The following NEMP1 variants were observed in gnomAD, a reference collection of about 807,000 sequenced individuals.
The protein encoded by NEMP1 is nuclear envelope integral membrane protein 1, also known as transmembrane protein 194.
Under a neutral mutation model 53.7 loss-of-function variants are expected in NEMP1, and 29 were observed. The ratio of observed to expected loss-of-function variants is 0.54; its 90% CI spans 0.40 to 0.74. The LOEUF (loss-of-function observed/expected upper bound fraction) is 0.74, where lower values mean the gene tolerates loss of function less well. Ranked by LOEUF, NEMP1 falls within the 30% of genes least tolerant of loss-of-function variation. The probability of loss-of-function intolerance (pLI) is 0.00; values close to 1 mark genes in which losing one functional copy is unlikely to be tolerated. For missense variants in NEMP1, 477 were observed against 528.6 expected, an observed-to-expected ratio of 0.90 and a Z score of 0.96; for synonymous variants, 193 against 192.9, an observed-to-expected ratio of 1.00 and a Z score of 0.00.
chr12:57,070,902 C>CA lies in NEMP1; in HGVS notation c.253-10dup, dbSNP rs3217612. 0.082 allele frequency: 129,073 copies of CA among 1,580,512 alleles called. 5,767 individuals carry two copies. The highest frequency in any genetic ancestry group is 0.13 in the Middle Eastern group (786 of 5,892). Reference sequence around the variant, plus strand: ...GAACTATTTACTCGGATCTGTAACACAAATAAAATCAGGATGAGAAAAAAG... The same window carrying CA: ...GAACTATTTACTCGGATCTGTAACACAAAATAAAATCAGGATGAGAAAAAAG... On this transcript the variant is annotated splice_polypyrimidine_tract_variant and intron_variant, in intron 2 of 8. Transcript: ENST00000300128.
intron 1 of NEMP1, among the ~76,000 whole-genome samples, chr12:57,083,954 C>CTGTTTTGTTT (rs71446598): frequency 9.0e-5 from 13 of 144,456 alleles, no homozygotes; most frequent in East Asian, 6.1e-4. Context: ...TTGTTTTCTT[C>CTGTTTTGTTT]TGTTTTGTTT....
At chr12:57,065,748 G>C (rs547173953) in intron 4 of NEMP1, among the ~76,000 whole-genome samples, 1 of 151,592 alleles carries the variant, frequency 6.6e-6, no homozygotes, top group Non-Finnish European at 1.5e-5. Flanking sequence ...TGATCTGCCC[G>C]CCTCAGCCTC....
upstream of NEMP1, among the ~76,000 whole-genome samples, chr12:57,080,162 T>G (rs895710884): frequency 1.3e-5 from 2 of 152,202 alleles, no homozygotes; most frequent in Non-Finnish European, 2.9e-5. Context: ...GACAATATCT[T>G]GCTATGTTGC....
At chr12:57,080,095 G>A (rs2032799281), upstream of NEMP1, among the ~76,000 whole-genome samples, 1 of 152,146 alleles carries the variant, frequency 6.6e-6, no homozygotes, top group African/African-American at 2.4e-5. Flanking sequence ...AAGTAGCTGG[G>A]ACTACAGGCA....
intron 5 of NEMP1, 69 bp from the exon 6 acceptor site, chr12:57,064,254 G>A: frequency 7.4e-6 from 7 of 944,612 alleles, no homozygotes; most frequent in East Asian, 2.7e-5. Context: ...GAAGCAAAAT[G>A]GAACTATGAT....
upstream of NEMP1, among the ~76,000 whole-genome samples, chr12:57,082,199 A>G (rs2032868423): frequency 6.6e-6 from 1 of 152,200 alleles, no homozygotes; most frequent in Non-Finnish European, 1.5e-5. Context: ...CAGCCCGGTG[A>G]CAGAGTAAGA....
At chr12:57,078,583 C>T in intron 1 of NEMP1, 36 bp downstream of exon 1, 2 of 1,592,188 alleles carry the variant, frequency 1.3e-6, no homozygotes, top group Non-Finnish European at 8.6e-7. Context: ...ACCCCCTCGG[C>T]ACCTGCCCCC....
intron 6 of NEMP1, 141 bp from the exon 7 acceptor site, chr12:57,063,485 T>C (rs2031922862): frequency 2.9e-6 from 2 of 687,466 alleles, no homozygotes; most frequent in Admixed American, 6.0e-5. Context: ...CACACTTTTT[T>C]CTTAGAATAT....
chr12:57,062,546 G>A (rs895413231), intron 7 of NEMP1, among the ~76,000 whole-genome samples: 9 of 151,672 alleles, frequency 5.9e-5, no homozygotes, highest in Admixed American at 4.6e-4. Context: ...AATTTGTGGC[G>A]GGGCGCAGTG....
rs1387771204 is a variant in NEMP1 at position 57,059,066 on chromosome 12, GGAAGA to G, written c.*808_*812del. Reference sequence around the variant, plus strand: ...GGCAAAGGCAGGGTAAGGAAGAATGGGAAGAGAAGAATACAAATGTTTTTTAAGAT... The same window carrying G: ...GGCAAAGGCAGGGTAAGGAAGAATGGGAAGAATACAAATGTTTTTTAAGAT... On this transcript the variant is annotated 3_prime_UTR_variant, in exon 9 of 9. Transcript: ENST00000300128. 3 of 152,162 alleles carry G rather than the reference GGAAGA, an allele frequency of 2.0e-5. No homozygotes were observed. The highest frequency in any genetic ancestry group is 4.4e-5 in the Non-Finnish European group (3 of 68,040). 9.4% of individuals were successfully genotyped at this position (152,162 alleles called of 1,614,324 possible). A position where few individuals can be genotyped will look rare whatever the true frequency, so the allele number is the denominator to read the frequency against.
In NEMP1 at chr12:57,056,117, C is replaced by G. The variant is rs923243244; in HGVS notation, c.*3762G>C. On this transcript the variant is annotated 3_prime_UTR_variant, in exon 9 of 9. Transcript: ENST00000300128. ...ATCCAAAGCCCCACATTTTGGGAGT[C>G]TGTGACCACTCCCATCTGCCACTAA... 7.9e-5 allele frequency: 12 copies of G among 152,204 alleles called. No individual in the cohort carries two copies. Among genetic ancestry groups the G allele is most frequent in the African/African-American group, 2.4e-4 (10 of 41,460 alleles). The allele number at this position is 152,204 out of a possible 1,614,324, so 9.4% of individuals were successfully genotyped here.
intron 1 of NEMP1, among the ~76,000 whole-genome samples, chr12:57,074,624 A>G (rs2136512557): frequency 6.6e-6 from 1 of 152,328 alleles, no homozygotes; most frequent in Non-Finnish European, 1.5e-5. Context: ...TTTAATATAT[A>G]GTACTTTTGG....
At chr12:57,084,310 G>A (rs1440377943) in intron 1 of NEMP1, among the ~76,000 whole-genome samples, 1 of 152,076 alleles carries the variant, frequency 6.6e-6, no homozygotes, top group Non-Finnish European at 1.5e-5. Context: ...TGTGGATAAA[G>A]GATTTGCAGG....
upstream of NEMP1, among the ~76,000 whole-genome samples, chr12:57,082,937 C>A (rs774342171): frequency 6.6e-6 from 1 of 152,086 alleles, no homozygotes; most frequent in Non-Finnish European, 1.5e-5. Context: ...GGGAGAATCA[C>A]CTGAGCCTGG....
intron 4 of NEMP1, among the ~76,000 whole-genome samples, chr12:57,067,364 A>G (rs1482922375): frequency 6.6e-6 from 1 of 152,154 alleles, no homozygotes; most frequent in Admixed American, 6.5e-5. Context: ...ACTGTCTTAC[A>G]TGGACATGTG....
rs754066087 is a variant in NEMP1, at chr12:57,063,307, T to C, written c.792A>G (p.Val264=). The C allele has an allele frequency of 2.5e-6, 4 of 1,614,076 alleles. No individual in the cohort carries two copies. The highest frequency in any genetic ancestry group is 1.1e-5 in the South Asian group (1 of 91,082). ...VLTVGFMSFA[V]CYKYGPLENE... is the part of the protein sequence containing the mutation. ...TCTCCAAGGGCCCATACTTGTAACA[T>C]ACTGCAAAACTCATGAATCCAACTG... Residue 264 remains valine, a synonymous_variant, in exon 7 of 9, where the codon GTA becomes GTG. Coordinates refer to ENST00000300128, the MANE Select transcript of NEMP1 (RefSeq NM_001130963.2).
At position 57,064,142 on chromosome 12, in the gene NEMP1, G is replaced by C. The variant is rs1369105803; in HGVS notation, c.683C>G (p.Ser228Cys). 1.2e-6 allele frequency: 2 copies of C among 1,610,336 alleles called. No homozygotes were observed. Among genetic ancestry groups the C allele is most frequent in the Non-Finnish European group, 1.7e-6 (2 of 1,178,752 alleles). ...YVILVGGWSFSLYLIQLVFKN... is the reference protein window; with the variant it reads ...YVILVGGWSFCLYLIQLVFKN... ...AAAAACTAGTTGAATGAGGTACAGA[G>C]AAAAAGACCAGCCTCCCACCAGGAT... Residue 228 changes from serine to cysteine, a missense_variant, in exon 6 of 9, where the codon TCT becomes TGT. By Grantham distance (112) the Ser-to-Cys change is moderately radical. Coordinates refer to ENST00000300128, the MANE Select transcript of NEMP1 (RefSeq NM_001130963.2).
At chr12:57,083,579 C>A (rs944709703), upstream of NEMP1, among the ~76,000 whole-genome samples, 1 of 152,142 alleles carries the variant, frequency 6.6e-6, no homozygotes, top group African/African-American at 2.4e-5. Context: ...AAGCAACAAT[C>A]CCAATGCATC....
chr12:57,073,020 AT>A, intron 1 of NEMP1, 108 bp from the exon 2 acceptor site: 1 of 978,866 alleles, frequency 1.0e-6, no homozygotes, highest in Non-Finnish European at 1.4e-6. Context: ...GGGTTAAAAC[AT>A]TAGCCAGACT....
Sources: allele counts gnomAD v4.1 joint callset (sites outside exome capture counted in the v4.1 genomes callset), GRCh38; gene constraint gnomAD v4.1.1; transcripts MANE v1.5; gene names NCBI Gene and HGNC (gene_info 2026-07-23, HGNC 2026-07-21).